Variants in TET1 observed in about 807,000 individuals in gnomAD.
The protein encoded by TET1 is methylcytosine dioxygenase TET1.
In TET1, 13 loss-of-function variants were observed where a neutral mutation model predicts 148.7. That is an observed-to-expected ratio of 0.09 (90% CI 0.06 to 0.14). The LOEUF (loss-of-function observed/expected upper bound fraction) is 0.14. TET1 is among the 10% of genes least tolerant of loss of function. The pLI is 1.00. For missense variants in TET1, 2,182 were observed against 2,553.8 expected (o/e 0.85, Z 3.14); for synonymous variants, 907 against 937.2 (o/e 0.97, Z 0.59).
At chr10:68,637,291 G>C (rs907381402) in intron 3 of TET1, among the ~76,000 whole-genome samples, 1 of 151,998 alleles carries the variant, frequency 6.6e-6, no homozygotes, top group South Asian at 2.1e-4. Context: ...CTCCTGGCCA[G>C]CTTTCTTTTT....
chr10:68,587,833 G>A (rs1564955296), intron 2 of TET1, among the ~76,000 whole-genome samples: 3 of 151,994 alleles, frequency 2.0e-5, no homozygotes, highest in African/African-American at 4.8e-5. Flanking sequence ...GTAAGTATTC[G>A]GATTCTCATT....
intron 3 of TET1, among the ~76,000 whole-genome samples, chr10:68,642,530 A>C (rs2054773394): frequency 3.3e-5 from 5 of 152,192 alleles, no homozygotes. Flanking sequence ...TGGGGTTTTG[A>C]AAATGCTCTG....
chr10:68,691,205 A>G lies in TET1; in HGVS notation c.5802A>G (p.Leu1934=). The change falls in exon 12 of 12, where the codon CTA becomes CTG. Residue 1934 remains leucine, a synonymous_variant. Transcript: ENST00000373644. The surrounding 1 kb of genome is among the most constrained non-coding windows in gnomAD (Gnocchi z 4.4). The part of the protein sequence containing the change: ...SEPSTGVTEP[L]TPHQPNHQPS... ...CTTCCACTGGTGTGACTGAGCCGCT[A>G]ACGCCTCATCAGCCAAACCACCAGC... The G allele has an allele frequency of 1.9e-6, 3 of 1,614,142 alleles. No individual in the cohort carries two copies. The highest frequency in any genetic ancestry group is 2.5e-6 in the Non-Finnish European group (3 of 1,180,032).
intron 3 of TET1, among the ~76,000 whole-genome samples, chr10:68,630,718 TA>T (rs2054556584): frequency 6.6e-6 from 1 of 152,074 alleles, no homozygotes; most frequent in Non-Finnish European, 1.5e-5. Context: ...TATCAGCAAA[TA>T]AGTGTAGGTT....
In TET1 at chr10:68,645,760, A is replaced by C; in HGVS notation, c.3031A>C (p.Asn1011His). 23 of 1,614,190 alleles carry C rather than the reference A, an allele frequency of 1.4e-5. No homozygotes were observed. Among genetic ancestry groups the C allele is most frequent in the Non-Finnish European group, 1.9e-5 (23 of 1,180,026 alleles). Residue 1011 changes from asparagine to histidine, a missense_variant, in exon 4 of 12, where the codon AAT becomes CAT. Physicochemically the swap from Asn to His is moderately conservative, Grantham distance 68. Transcript: ENST00000373644. The stretch of plus-strand genomic sequence containing the variant: ...ATTATCTCTTTTTATACCAAAATCA[A>C]ATTCATCCAAGATTGACACCAATAA... ...NSLSLFIPKS[N>H]SSKIDTNKSI... is the part of the protein sequence containing the mutation.
chr10:68,658,832 C>T (rs538552153), intron 6 of TET1, among the ~76,000 whole-genome samples: 10 of 152,194 alleles, frequency 6.6e-5, no homozygotes, highest in Non-Finnish European at 1.5e-4. Flanking sequence ...TGTGCCACTG[C>T]CCTCCAGCCT....
In TET1 at chr10:68,691,685, G is replaced by A; in HGVS notation, c.6282G>A (p.Gln2094=). The A allele has an allele frequency of 6.2e-7, 1 of 1,614,194 alleles. No individual in the cohort carries two copies. The highest frequency in any genetic ancestry group is 1.1e-5 in the South Asian group (1 of 91,086). Residue 2094 remains glutamine (Q), a synonymous_variant, in exon 12 of 12, where the codon CAG becomes CAA. Transcript: ENST00000373644. The surrounding 1 kb of genome is among the most constrained non-coding windows in gnomAD (Gnocchi z 4.4). The stretch of plus-strand genomic sequence containing the variant: ...AGGCAGCTAATGAAGGTCCAGAACA[G>A]TCCTCTGAAGTAAATGAATTGAACC... ...KDQAANEGPE[Q]SSEVNELNQI... is the part of the protein sequence containing the mutation.
intron 2 of TET1, among the ~76,000 whole-genome samples, 176 bp from the exon 3 acceptor site, chr10:68,600,805 T>C (rs1042099461): frequency 6.6e-6 from 1 of 152,208 alleles, no homozygotes; most frequent in Non-Finnish European, 1.5e-5. Flanking sequence ...AAGATTTTTT[T>C]AGTGACTTTT....
At chr10:68,626,845 G>C (rs1332060811) in intron 3 of TET1, among the ~76,000 whole-genome samples, 2 of 152,010 alleles carry the variant, frequency 1.3e-5, no homozygotes, top group African/African-American at 4.8e-5. Context: ...TACTATGACT[G>C]GCCCCTTGTT....
intron 3 of TET1, among the ~76,000 whole-genome samples, chr10:68,623,315 C>T (rs1213771305): frequency 6.6e-6 from 1 of 152,140 alleles, no homozygotes; most frequent in Non-Finnish European, 1.5e-5. Context: ...TTAATATAAA[C>T]TTACAGCTAT....
rs145434427 is a variant in TET1 at position 68,666,692 on chromosome 10, A to G, written c.4462-353A>G. On this transcript the variant is annotated intron_variant, in intron 6 of 11. Coordinates refer to ENST00000373644, the MANE Select transcript of TET1 (RefSeq NM_030625.3). ...TCTGCCTGTTGTTTGTTAGTCATAT[A>G]GGTTCAGGTACTCTTGTGATGAGTC... Among the ~76,000 whole-genome samples the G allele has an allele frequency of 1.8e-4, 28 of 152,304 alleles. No homozygotes were observed. The East Asian group carries it at 5.4e-3, about 29-fold the overall frequency.
At chr10:68,593,998 T>C (rs2053950362) in intron 2 of TET1, among the ~76,000 whole-genome samples, 2 of 125,644 alleles carry the variant, frequency 1.6e-5, no homozygotes, top group African/African-American at 5.9e-5. Flanking sequence ...AGATCCCAGC[T>C]CACTGGAACC....
Position 68,597,030 on chromosome 10 carries a change from A to ATTTTTTTTTTTTTTTTTTTTTTTTTTTT in TET1, c.1915-3930_1915-3929insTTTTTTTTTTTTTTTTTTTTTTTTTTTT, listed in dbSNP as rs553591899. Reference sequence around the variant, plus strand: ...ATTTTCATGATCACACAGCTAATGGATTTTTTTTTTTTTTTTTTTTTGAGA... The same window carrying ATTTTTTTTTTTTTTTTTTTTTTTTTTTT: ...ATTTTCATGATCACACAGCTAATGGATTTTTTTTTTTTTTTTTTTTTTTTTTTTTTTTTTTTTTTTTTTTTTTTTGAGA... On this transcript the variant is annotated intron_variant, in intron 2 of 11. Coordinates refer to ENST00000373644, the MANE Select transcript of TET1 (RefSeq NM_030625.3). 3.0e-4 allele frequency among the ~76,000 whole-genome samples: 30 copies of ATTTTTTTTTTTTTTTTTTTTTTTTTTTT among 98,874 alleles called. 2 individuals carry two copies. The highest frequency in any genetic ancestry group is 1.1e-3 in the South Asian group (3 of 2,690). The allele number at this position is 98,874 out of a possible 152,430, so 64.9% of individuals were successfully genotyped here.
chr10:68,605,744 G>A (rs1039281732), intron 3 of TET1, among the ~76,000 whole-genome samples: 3 of 152,118 alleles, frequency 2.0e-5, no homozygotes, highest in South Asian at 2.1e-4. Flanking sequence ...CAAACTCCTG[G>A]CCTCAAGTGA....
intron 2 of TET1, among the ~76,000 whole-genome samples, chr10:68,595,961 TACACACACAC>T (rs781144879): frequency 4.6e-4 from 17 of 37,258 alleles, no homozygotes; most frequent in East Asian, 1.2e-3. Context: ...TATATATATA[TACACACACAC>T]ACACACATAT....
chr10:68,569,925 T>A (rs1590156009), intron 1 of TET1, among the ~76,000 whole-genome samples: 1 of 152,294 alleles, frequency 6.6e-6, no homozygotes, highest in African/African-American at 2.4e-5. Context: ...AGCTTTATAG[T>A]GAATCTAAGG....
Position 68,691,334 on chromosome 10 carries a change from T to G in TET1, c.5931T>G (p.Asp1977Glu). ...CTCCATCAGACGAACCCCTATCTGATGACCCCCTGTCACCTGCTGAGGAGA... is the reference window on the plus strand; with the variant it reads ...CTCCATCAGACGAACCCCTATCTGAGGACCCCCTGTCACCTGCTGAGGAGA... ...DEPPSDEPLS[D>E]DPLSPAEEKL... Residue 1977 changes from aspartate to glutamate, a missense_variant, in exon 12 of 12, where the codon GAT becomes GAG. This residue lies in a region of TET1 where 380 missense variants were observed against 387.9 expected (regional missense o/e 0.98). Transcript: ENST00000373644. The surrounding 1 kb of genome is among the most constrained non-coding windows in gnomAD (Gnocchi z 4.4). 6.2e-7 allele frequency: 1 copy of G among 1,614,242 alleles called. No individual in the cohort carries two copies. Among genetic ancestry groups the G allele is most frequent in the South Asian group, 1.1e-5 (1 of 91,090 alleles).
In TET1 at chr10:68,658,046, T is replaced by C. The variant is rs374305817; in HGVS notation, c.4461+5452T>C. Among the ~76,000 whole-genome samples the C allele has an allele frequency of 2.2e-4, 33 of 152,312 alleles. 1 individual carries two copies. The East Asian group carries it at 4.2e-3, about 20-fold the overall frequency. ...GAATTACATTGCTCCAAATTTACTT[T>C]TCATCTTGGATAGTGTACCTTTTTT... On this transcript the variant is annotated intron_variant, in intron 6 of 11. Transcript: ENST00000373644.
intron 7 of TET1, among the ~76,000 whole-genome samples, chr10:68,672,515 C>CAAAAAAAAAAAAAAAAAAAACCCA (rs1207136905): frequency 1.2e-5 from 1 of 85,726 alleles, no homozygotes. Context: ...AAAAAAACAC[C>CAAAAAAAAAAAAAAAAAAAACCCA]AAAAAAAAAA....
Sources: gnomAD v4.1 joint callset for allele counts (sites outside exome capture counted in the v4.1 genomes callset) on GRCh38, gnomAD v4.1.1 for gene constraint, gnomAD v4.1.1 regional missense constraint, Gnocchi (gnomAD v3.1) non-coding constraint, MANE v1.5 for transcripts, NCBI Gene and HGNC (gene_info 2026-07-23, HGNC 2026-07-21) for gene names.